The following IQCE variants were observed in gnomAD, a reference collection of about 807,000 sequenced individuals.
The protein encoded by IQCE is IQ domain-containing protein E.
In IQCE, 115 loss-of-function variants were observed where a neutral mutation model predicts 96.0. That is an observed-to-expected ratio of 1.20 (90% CI 1.03 to 1.40). The LOEUF (loss-of-function observed/expected upper bound fraction) is 1.40. Ranked by LOEUF, IQCE falls within the 40% of genes most tolerant of loss-of-function variation. The pLI, the probability that IQCE is intolerant of heterozygous loss-of-function variation, is 0.00. For synonymous variants in IQCE, 412 were observed against 371.2 expected (o/e 1.11, Z -1.26); for missense variants, 1,041 against 909.1 (o/e 1.15, Z -1.87).
intron 11 of IQCE, among the ~76,000 whole-genome samples, chr7:2,586,003 G>A (rs1265934194): frequency 7.8e-6 from 1 of 128,406 alleles, no homozygotes; most frequent in Admixed American, 8.4e-5. Context: ...CTTGCATAAG[G>A]ATGGGGTTCC....
rs567356604 is a variant in IQCE at position 2,605,943 on chromosome 7, C to T, written c.1811C>T (p.Ala604Val). 4 of 1,611,364 alleles carry T rather than the reference C, an allele frequency of 2.5e-6. No homozygotes were observed. The highest frequency in any genetic ancestry group is 2.2e-5 in the East Asian group (1 of 44,694). ...QATGSPVQEE[A>V]IVIIQSALRA... ...ACGGGCAGCCCTGTGCAGGAGGAGG[C>T]CATCGTCATCATCCAGTCCGCTCTG... Residue 604 changes from alanine (A) to valine (V), a missense_variant, in exon 20 of 22, where the codon GCC (alanine) becomes GTC (valine). Ala to Val is a moderately conservative substitution (Grantham distance 64, BLOSUM62 0). Transcript: ENST00000402050.
intron 8 of IQCE, 116 bp from the exon 9 acceptor site, chr7:2,582,464 C>A: frequency 1.2e-6 from 1 of 832,660 alleles, no homozygotes. Flanking sequence ...GAAGAGAGCA[C>A]AGCGCTGGAG....
rs554341698 is a variant in IQCE, at chr7:2,570,431, T to C, written c.131-1095T>C. Reference sequence around the variant, plus strand: ...TTGTATAAATGACAACTTAAATCTTTACGTTTTGGAAGAATTTGAGACTAT... The same window carrying C: ...TTGTATAAATGACAACTTAAATCTTCACGTTTTGGAAGAATTTGAGACTAT... On this transcript the variant is annotated intron_variant, in intron 3 of 21. Transcript: ENST00000402050. Among the ~76,000 whole-genome samples the C allele has an allele frequency of 4.0e-5, 6 of 151,844 alleles. No individual in the cohort carries two copies. In the South Asian group the frequency reaches 6.3e-4, roughly 16 times the overall value.
At chr7:2,562,251 T>TGC (rs970997363) in intron 1 of IQCE, among the ~76,000 whole-genome samples, 5 of 151,632 alleles carry the variant, frequency 3.3e-5, no homozygotes, top group Non-Finnish European at 7.4e-5. Context: ...TGTGTGTGTG[T>TGC]GCACATAAAT....
chr7:2,589,544 C>T (rs995108468), intron 13 of IQCE, among the ~76,000 whole-genome samples: 3 of 152,038 alleles, frequency 2.0e-5, no homozygotes, highest in South Asian at 2.1e-4. Flanking sequence ...GGATGTCACT[C>T]GAGACTGAAA....
At position 2,604,974 on chromosome 7, in the gene IQCE, C is replaced by G. The variant is rs1350744022; in HGVS notation, c.1726C>G (p.Pro576Ala). 1 of 1,612,364 alleles carries G rather than the reference C, an allele frequency of 6.2e-7. No homozygotes were observed. Among genetic ancestry groups the G allele is most frequent in the Non-Finnish European group, 8.5e-7 (1 of 1,179,080 alleles). Residue 576 changes from proline (P) to alanine (A), a missense_variant, in exon 19 of 22, where the codon CCA becomes GCA. Physicochemically the swap from Pro to Ala is conservative, Grantham distance 27 (BLOSUM62 -1). Coordinates refer to ENST00000402050, the MANE Select transcript of IQCE (RefSeq NM_152558.5). ...ACATGGCTCAGAGCCACCCAGCGTG[C>G]CAGGCCTCCCAGACCAGGTAATGTC... ...KAHGSEPPSV[P>A]GLPDQSSPVP...
Position 2,563,112 on chromosome 7 carries a change from C to T in IQCE, c.36+3895C>T, listed in dbSNP as rs191361032. Among the ~76,000 whole-genome samples, 634 of 152,058 alleles carry T rather than the reference C, an allele frequency of 4.2e-3. 9 individuals carry two copies. The highest frequency in any genetic ancestry group is 6.8e-3 in the Middle Eastern group (2 of 292). On this transcript the variant is annotated intron_variant, in intron 1 of 21. Coordinates refer to ENST00000402050, the MANE Select transcript of IQCE (RefSeq NM_152558.5). Reference sequence around the variant, plus strand: ...GGCGAATTTTTTAATTTTTTGTCAACACTGGGTGTCACTATGTCACCCAGG... The same window carrying T: ...GGCGAATTTTTTAATTTTTTGTCAATACTGGGTGTCACTATGTCACCCAGG...
chr7:2,559,774 G>A (rs931999943), intron 1 of IQCE, among the ~76,000 whole-genome samples: 1 of 132,790 alleles, frequency 7.5e-6, no homozygotes, highest in Non-Finnish European at 1.7e-5. Context: ...GTGGGGGGGG[G>A]GGGGGGGGCG....
chr7:2,587,461 G>A (rs1322660699), intron 12 of IQCE, among the ~76,000 whole-genome samples: 1 of 152,144 alleles, frequency 6.6e-6, no homozygotes, highest in Non-Finnish European at 1.5e-5. Context: ...CTAGCGAGGG[G>A]CTGTGCATGC....
intron 21 of IQCE, among the ~76,000 whole-genome samples, chr7:2,609,016 T>C (rs184164046): frequency 1.3e-5 from 2 of 152,282 alleles, no homozygotes; most frequent in African/African-American, 4.8e-5. Context: ...ACATGAGCAG[T>C]TCATTACTTT....
chr7:2,587,877 G>A lies in IQCE; in HGVS notation c.1044G>A (p.Lys348=), dbSNP rs1185604634. 1.2e-6 allele frequency: 2 copies of A among 1,613,904 alleles called. No homozygotes were observed. Among genetic ancestry groups the A allele is most frequent in the African/African-American group, 1.3e-5 (1 of 74,950 alleles). ...TGAGGCGCATTGTGGAGCTGGAGAA[G>A]GTGAGCGGGCGTCTCAGTGCCACTG... is the stretch of plus-strand genomic sequence containing the variant. ...RLLRRIVELE[K]KLSVMESSKS... The change falls in exon 13 of 22, where the codon AAG becomes AAA. Residue 348 remains lysine (K), a splice_region_variant and synonymous_variant. Coordinates refer to ENST00000402050, the MANE Select transcript of IQCE (RefSeq NM_152558.5).
chr7:2,603,817 C>G (rs1319667604), intron 18 of IQCE, among the ~76,000 whole-genome samples: 1 of 151,968 alleles, frequency 6.6e-6, no homozygotes, highest in Non-Finnish European at 1.5e-5. Flanking sequence ...CAGCGGCAAG[C>G]CTGCTAAACT....
chr7:2,593,580 C>T (rs529951605), intron 15 of IQCE, among the ~76,000 whole-genome samples: 37 of 152,370 alleles, frequency 2.4e-4, no homozygotes, highest in South Asian at 8.3e-4. Context: ...AAGCCCTGAC[C>T]GGCCCGGCCC....
At chr7:2,604,138 G>C (rs1012779451) in intron 18 of IQCE, among the ~76,000 whole-genome samples, 3 of 152,072 alleles carry the variant, frequency 2.0e-5, no homozygotes, top group South Asian at 2.1e-4. Flanking sequence ...ACAGGCATGC[G>C]CGCCACGTCT....
intron 15 of IQCE, among the ~76,000 whole-genome samples, chr7:2,593,495 G>T (rs544718679): frequency 6.6e-6 from 1 of 152,260 alleles, no homozygotes; most frequent in South Asian, 2.1e-4. Context: ...AGGAAGCAGC[G>T]CCCACCCCAC....
intron 3 of IQCE, 58 bp from the exon 4 acceptor site, chr7:2,571,468 G>A (rs1248302475): frequency 3.8e-6 from 6 of 1,597,632 alleles, no homozygotes; most frequent in Non-Finnish European, 4.2e-6. Flanking sequence ...TGAAGTTCAT[G>A]TGTTGAGCTC....
intron 4 of IQCE, 107 bp from the exon 5 acceptor site, chr7:2,572,085 C>A: frequency 1.6e-6 from 2 of 1,220,882 alleles, no homozygotes; most frequent in Non-Finnish European, 2.3e-6. Context: ...CGGCTGGCGT[C>A]TATCAGTGAT....
chr7:2,564,360 T>C (rs1781203682), intron 1 of IQCE, among the ~76,000 whole-genome samples: 1 of 152,048 alleles, frequency 6.6e-6, no homozygotes, highest in African/African-American at 2.4e-5. Flanking sequence ...TTTGGGAGGC[T>C]GAGGCGGGTG....
intron 18 of IQCE, among the ~76,000 whole-genome samples, 175 bp from the exon 19 acceptor site, chr7:2,604,706 C>T (rs1784664337): frequency 6.6e-6 from 1 of 152,188 alleles, no homozygotes; most frequent in Non-Finnish European, 1.5e-5. Context: ...GAGTTTCTCC[C>T]AGACTGGGGT....
Sources: allele counts gnomAD v4.1 joint callset (sites outside exome capture counted in the v4.1 genomes callset), GRCh38; gene constraint gnomAD v4.1.1; transcripts MANE v1.5; gene names NCBI Gene and HGNC (gene_info 2026-07-23, HGNC 2026-07-21).